The following SERPINB12 variants were observed in gnomAD, a reference collection of about 807,000 sequenced individuals.
SERPINB12 encodes serpin family B member 12.
SERPINB12 carries 57 observed loss-of-function variants against 41.1 expected under a neutral mutation model. The ratio of observed to expected loss-of-function variants is 1.39; its 90% confidence interval spans 1.12 to 1.73. SERPINB12 has a LOEUF of 1.73. Among genes scored for constraint, SERPINB12 ranks in the 40% most tolerant of loss-of-function variants. The pLI is 0.00. For missense variants in SERPINB12, 536 were observed against 501.9 expected (o/e 1.07, Z -0.65); for synonymous variants, 180 against 181.3 (o/e 0.99, Z 0.06).
At chr18:63,529,889 A>G in the SERPINB12 span, among the ~76,000 whole-genome samples, 5,183 of 152,234 alleles carry the variant, frequency 0.034, 311 homozygotes, top group African/African-American at 0.12. Flanking sequence ...CATCTTACTT[A>G]TTATGTAATG....
chr18:63,565,476 A>G lies in SERPINB12; in HGVS notation c.737A>G (p.Gln246Arg), dbSNP rs1440058564. The change falls in exon 7 of 8, where the codon CAA becomes CGA. Residue 246 changes from glutamine to arginine, a missense_variant. Gln to Arg is a conservative substitution (Grantham distance 43). Transcript: ENST00000382768. ...AACAAGAGTGTGAAGATGATGACGC[A>G]AAAAGGCCTCTACAGAATTGGCTTC... Reference protein sequence around the residue: ...NENKSVKMMTQKGLYRIGFIE... With the variant: ...NENKSVKMMTRKGLYRIGFIE... 6.2e-7 allele frequency: 1 copy of G among 1,613,536 alleles called. No individual in the cohort carries two copies. Among genetic ancestry groups the G allele is most frequent in the East Asian group, 2.2e-5 (1 of 44,872 alleles).
chr18:63,556,344 G>T lies in SERPINB12; in HGVS notation c.168+17G>T, dbSNP rs566879838. The T allele has an allele frequency of 5.6e-6, 9 of 1,609,338 alleles. No homozygotes were observed. Among genetic ancestry groups the T allele is most frequent in the African/African-American group, 5.3e-5 (4 of 74,774 alleles). On this transcript the variant is annotated intron_variant, in intron 2 of 7. Coordinates refer to ENST00000382768, the MANE Select transcript of SERPINB12 (RefSeq NM_001307928.2). ...ATTGATGAGGTACGTGTCCACTAGG[G>T]TGCTACACAGGGTCCTAAACTCTGG...
rs747543320 is a variant in SERPINB12, at chr18:63,556,215, T to C, written c.56T>C (p.Ile19Thr). 4.3e-6 allele frequency: 7 copies of C among 1,613,982 alleles called. No homozygotes were observed. Among genetic ancestry groups the C allele is most frequent in the Non-Finnish European group, 8.5e-7 (1 of 1,179,944 alleles). ...TKFCFDLFQE[I>T]GKDDRHKNIF... is the part of the protein sequence containing the mutation. ...TTTTGCTTTGATCTTTTTCAAGAGA[T>C]AGGCAAAGATGATCGTCATAAAAAC... Residue 19 changes from isoleucine (I) to threonine (T), a missense_variant, in exon 2 of 8, where the codon ATA becomes ACA. By Grantham distance (89) the Ile-to-Thr change is moderately conservative (BLOSUM62 -1). Coordinates refer to ENST00000382768, the MANE Select transcript of SERPINB12 (RefSeq NM_001307928.2).
intron 4 of SERPINB12, among the ~76,000 whole-genome samples, chr18:63,560,024 T>C (rs1167612970): frequency 6.6e-6 from 1 of 152,292 alleles, no homozygotes; most frequent in South Asian, 2.1e-4. Flanking sequence ...CTCCTGACTG[T>C]CTTCCCCAGT....
the SERPINB12 span, among the ~76,000 whole-genome samples, chr18:63,521,913 G>A: frequency 1.3e-5 from 2 of 152,150 alleles, no homozygotes; most frequent in Admixed American, 1.3e-4. Context: ...GATATTGGAG[G>A]AAAGTAAGAT....
chr18:63,535,425 G>T, the SERPINB12 span, among the ~76,000 whole-genome samples: 971 of 152,130 alleles, frequency 6.4e-3, 9 homozygotes, highest in African/African-American at 0.022. Context: ...CCAAAAATGC[G>T]TAACTCGAAT....
chr18:63,561,584 G>A (rs752363509), intron 5 of SERPINB12, among the ~76,000 whole-genome samples: 6 of 152,140 alleles, frequency 3.9e-5, no homozygotes, highest in Non-Finnish European at 8.8e-5. Flanking sequence ...AAAGACATAT[G>A]CACTCATATG....
intron 1 of SERPINB12, among the ~76,000 whole-genome samples, chr18:63,544,227 A>C (rs539388436): frequency 4.6e-5 from 7 of 152,240 alleles, no homozygotes; most frequent in Non-Finnish European, 1.0e-4. Flanking sequence ...CTTTATTTAC[A>C]AAAACAGGCA....
chr18:63,531,421 T>G, the SERPINB12 span, among the ~76,000 whole-genome samples: 2 of 152,164 alleles, frequency 1.3e-5, no homozygotes, highest in Admixed American at 1.3e-4. Context: ...TCAGATAGCA[T>G]TGTTCTTTGG....
chr18:63,561,262 T>C lies in SERPINB12; in HGVS notation c.562+60T>C, dbSNP rs1910901029. 4 of 997,924 alleles carry C rather than the reference T, an allele frequency of 4.0e-6. No homozygotes were observed. The Admixed American group carries it at 7.3e-5, about 18-fold the overall frequency. The allele number at this position is 997,924 out of a possible 1,614,324, so 61.8% of individuals were successfully genotyped here. The stretch of plus-strand genomic sequence containing the variant: ...GTTTCCATTTAAAAGAAAATTGGTC[T>C]GCCTAGCTTTGCAGACTGCTGGTCT... On this transcript the variant is annotated intron_variant, in intron 5 of 7. Coordinates refer to ENST00000382768, the MANE Select transcript of SERPINB12 (RefSeq NM_001307928.2).
At chr18:63,548,777 A>C (rs1335930121) in intron 1 of SERPINB12, among the ~76,000 whole-genome samples, 1 of 151,944 alleles carries the variant, frequency 6.6e-6, no homozygotes, top group Non-Finnish European at 1.5e-5. Flanking sequence ...TTTTCTTTTT[A>C]TTTTTTAAGT....
At position 63,566,953 on chromosome 18, in the gene SERPINB12, T is replaced by C. The variant is rs1459182518; in HGVS notation, c.1220T>C (p.Phe407Ser). ...EFNANHPFLF[F>S]IRHNKTQTIL... Reference sequence around the variant, plus strand: ...AATGCCAACCACCCTTTTCTCTTTTTCATTAGACACAACAAAACCCAAACC... The same window carrying C: ...AATGCCAACCACCCTTTTCTCTTTTCCATTAGACACAACAAAACCCAAACC... The change falls in exon 8 of 8, where the codon TTC (phenylalanine) becomes TCC (serine). Residue 407 changes from phenylalanine (F) to serine (S), a missense_variant. Physicochemically the swap from Phe to Ser is radical, Grantham distance 155. Coordinates refer to ENST00000382768, the MANE Select transcript of SERPINB12 (RefSeq NM_001307928.2). 2 of 1,613,094 alleles carry C rather than the reference T, an allele frequency of 1.2e-6. No individual in the cohort carries two copies. Among genetic ancestry groups the C allele is most frequent in the Non-Finnish European group, 1.7e-6 (2 of 1,179,706 alleles).
the SERPINB12 span, among the ~76,000 whole-genome samples, chr18:63,523,347 A>T: frequency 2.0e-5 from 3 of 152,234 alleles, no homozygotes; most frequent in African/African-American, 7.2e-5. Context: ...AACATGAAGC[A>T]CAAGAAATGA....
At chr18:63,545,614 A>G (rs1910370031) in intron 1 of SERPINB12, among the ~76,000 whole-genome samples, 1 of 152,172 alleles carries the variant, frequency 6.6e-6, no homozygotes, top group African/African-American at 2.4e-5. Flanking sequence ...AAACAAGTTT[A>G]TACTCTTCTC....
At chr18:63,557,296 C>T (rs897372007) in intron 2 of SERPINB12, among the ~76,000 whole-genome samples, 6 of 152,130 alleles carry the variant, frequency 3.9e-5, no homozygotes, top group East Asian at 1.9e-4. Context: ...ATCTCCTATA[C>T]GGGGCCTACT....
At chr18:63,537,144 C>A in the SERPINB12 span, among the ~76,000 whole-genome samples, 97 of 152,242 alleles carry the variant, frequency 6.4e-4, 2 homozygotes, top group Admixed American at 1.4e-3. Flanking sequence ...CTATGTTTAT[C>A]AGAATCAACT....
the SERPINB12 span, among the ~76,000 whole-genome samples, chr18:63,534,103 T>G: frequency 2.0e-5 from 3 of 152,196 alleles, no homozygotes; most frequent in East Asian, 5.8e-4. Context: ...TTTTATGGCA[T>G]GATTTTAAAA....
At chr18:63,554,500 A>G (rs1165319111) in intron 1 of SERPINB12, among the ~76,000 whole-genome samples, 1 of 152,246 alleles carries the variant, frequency 6.6e-6, no homozygotes, top group Non-Finnish European at 1.5e-5. Context: ...CTTCATGCTT[A>G]TGGTGTGCTG....
rs758829821 is a variant in SERPINB12, at chr18:63,558,399, C to G, written c.216C>G (p.Asp72Glu). Reference sequence around the variant, plus strand: ...CCCAGAATGAAAGCAAAGAACCTGACCCTTGTCTGAAAAGCAACAAACAAA... The same window carrying G: ...CCCAGAATGAAAGCAAAGAACCTGAGCCTTGTCTGAAAAGCAACAAACAAA... ...EFSQNESKEP[D>E]PCLKSNKQKV... Residue 72 changes from aspartate to glutamate, a missense_variant, in exon 3 of 8, where the codon GAC (aspartate) becomes GAG (glutamate). Coordinates refer to ENST00000382768, the MANE Select transcript of SERPINB12 (RefSeq NM_001307928.2). The G allele has an allele frequency of 6.2e-7, 1 of 1,613,888 alleles. No homozygotes were observed. Among genetic ancestry groups the G allele is most frequent in the African/African-American group, 1.3e-5 (1 of 75,012 alleles).
Sources: gnomAD v4.1 joint callset for allele counts (sites outside exome capture counted in the v4.1 genomes callset) on GRCh38, gnomAD v4.1.1 for gene constraint, MANE v1.5 for transcripts, NCBI Gene and HGNC (gene_info 2026-07-23, HGNC 2026-07-21) for gene names.